DRC8: variants seen among roughly 807,000 people sequenced by gnomAD.
The protein encoded by DRC8 is dynein regulatory complex protein 8.
chr1:245,006,965 CAACAA>C, the DRC8 span, among the ~76,000 whole-genome samples: 8,365 of 111,886 alleles, frequency 0.075, 352 homozygotes, highest in South Asian at 0.24. Flanking sequence ...ACAACAACAA[CAACAA>C]AAAACCCCAG....
chr1:245,072,122 C>G, the DRC8 span, among the ~76,000 whole-genome samples: 1 of 152,222 alleles, frequency 6.6e-6, no homozygotes, highest in Non-Finnish European at 1.5e-5. Flanking sequence ...AACCTGCACA[C>G]AGATGCTTAT....
the DRC8 span, among the ~76,000 whole-genome samples, chr1:245,034,600 C>CAAAAAAAAAAAAAA: frequency 4.3e-4 from 17 of 39,496 alleles, no homozygotes; most frequent in East Asian, 4.5e-3. Context: ...GACTCCATCT[C>CAAAAAAAAAAAAAA]AAAAAAAAAA....
the DRC8 span, among the ~76,000 whole-genome samples, chr1:245,020,353 A>AG: frequency 1.3e-5 from 2 of 152,148 alleles, no homozygotes; most frequent in East Asian, 3.8e-4. Context: ...TCCACCTCTG[A>AG]GGGGCAGTCC....
the DRC8 span, among the ~76,000 whole-genome samples, chr1:244,983,867 T>C: frequency 1.3e-5 from 2 of 152,176 alleles, no homozygotes; most frequent in African/African-American, 4.8e-5. Flanking sequence ...ATTTAAATTG[T>C]TTAAAAATGT....
chr1:245,034,721 A>C, the DRC8 span, among the ~76,000 whole-genome samples: 1 of 152,142 alleles, frequency 6.6e-6, no homozygotes, highest in Non-Finnish European at 1.5e-5. Flanking sequence ...AGCATGAAGA[A>C]AATGAACAGA....
At chr1:244,977,674 AT>A in the DRC8 span, among the ~76,000 whole-genome samples, 7 of 152,158 alleles carry the variant, frequency 4.6e-5, no homozygotes, top group African/African-American at 1.2e-4. Flanking sequence ...AACCAAAAAA[AT>A]AAAAAATAAT....
At chr1:245,073,427 C>T in the DRC8 span, among the ~76,000 whole-genome samples, 702 of 152,236 alleles carry the variant, frequency 4.6e-3, 6 homozygotes, top group African/African-American at 0.016. Context: ...TGAGCTACTG[C>T]GCCCGGCCAG....
the DRC8 span, among the ~76,000 whole-genome samples, chr1:245,017,619 A>T: frequency 1.1e-3 from 161 of 152,358 alleles, no homozygotes; most frequent in Middle Eastern, 3.4e-3. Flanking sequence ...TGCTTGGCAC[A>T]TAGTTGGTAC....
the DRC8 span, among the ~76,000 whole-genome samples, chr1:244,981,777 G>A: frequency 2.0e-5 from 3 of 152,156 alleles, no homozygotes; most frequent in East Asian, 5.8e-4. Flanking sequence ...ACCCCACGGG[G>A]TTATTCTGGT....
At chr1:245,086,003 C>T in the DRC8 span, among the ~76,000 whole-genome samples, 2 of 152,188 alleles carry the variant, frequency 1.3e-5, no homozygotes, top group African/African-American at 4.8e-5. Context: ...ACAGAAAGGT[C>T]AGAACAGACC....
At chr1:244,983,493 A>G in the DRC8 span, among the ~76,000 whole-genome samples, 1 of 152,084 alleles carries the variant, frequency 6.6e-6, no homozygotes, top group East Asian at 1.9e-4. Flanking sequence ...TAATTCCAGC[A>G]CTTTGGGAGG....
the DRC8 span, among the ~76,000 whole-genome samples, chr1:245,020,368 G>A: frequency 7.2e-5 from 11 of 152,196 alleles, no homozygotes; most frequent in African/African-American, 2.4e-4. Context: ...CAGTCCTGAG[G>A]TCTGGAATCA....
the DRC8 span, among the ~76,000 whole-genome samples, chr1:245,096,165 A>G: frequency 6.6e-6 from 1 of 152,246 alleles, no homozygotes; most frequent in Admixed American, 6.5e-5. Flanking sequence ...GCACAACATG[A>G]CAGACAGAAT....
the DRC8 span, among the ~76,000 whole-genome samples, chr1:245,108,748 G>A: frequency 1.6e-4 from 25 of 152,082 alleles, no homozygotes; most frequent in Admixed American, 7.9e-4. Flanking sequence ...TTGCCTCAGC[G>A]TCTCTGGGGT....
the DRC8 span, among the ~76,000 whole-genome samples, chr1:244,985,856 T>C: frequency 1.0e-5 from 1 of 99,504 alleles, no homozygotes; most frequent in African/African-American, 3.3e-5. Context: ...AGAGGGAGAC[T>C]CCATCTCAAA....
the DRC8 span, among the ~76,000 whole-genome samples, chr1:245,094,864 G>A: frequency 1.3e-5 from 2 of 152,222 alleles, no homozygotes; most frequent in Non-Finnish European, 2.9e-5. Flanking sequence ...CATTACTAAT[G>A]CTTTGCTTCA....
chr1:245,019,011 A>T, the DRC8 span, among the ~76,000 whole-genome samples: 3 of 152,260 alleles, frequency 2.0e-5, no homozygotes, highest in African/African-American at 7.2e-5. Context: ...AGGCTTCCTG[A>T]CAGTAGCAGT....
At chr1:245,087,836 T>C in the DRC8 span, 4 of 752,644 alleles carry the variant, frequency 5.3e-6, no homozygotes, top group Admixed American at 6.3e-5. Flanking sequence ...ATATTACTAA[T>C]TTATTTTTTT....
At chr1:244,975,241 G>A in the DRC8 span, among the ~76,000 whole-genome samples, 97 of 152,194 alleles carry the variant, frequency 6.4e-4, no homozygotes, top group South Asian at 8.1e-3. Context: ...GAACTCTTGA[G>A]CTCAAGTGAT....
Sources: allele counts gnomAD v4.1 joint callset (sites outside exome capture counted in the v4.1 genomes callset), GRCh38; gene constraint gnomAD v4.1.1; transcripts MANE v1.5; gene names NCBI Gene and HGNC (gene_info 2026-07-23, HGNC 2026-07-21).